The following SGCZ variants were observed in gnomAD, a reference collection of about 807,000 sequenced individuals.
The protein encoded by SGCZ is zeta-sarcoglycan.
A neutral mutation model predicts 41.3 loss-of-function variants in SGCZ; 40 were observed. That is an observed-to-expected ratio of 0.97 (90% confidence interval 0.75 to 1.26). SGCZ has a LOEUF of 1.26. SGCZ is among the 50% of genes most tolerant of loss of function. The pLI, the probability that SGCZ is intolerant of heterozygous loss-of-function variation, is 0.00. For missense variants in SGCZ, 552 were observed against 369.8 expected, an observed-to-expected ratio of 1.49 and a Z score of -4.04; for synonymous variants, 206 against 137.5, an observed-to-expected ratio of 1.50 and a Z score of -3.49.
At chr8:14,454,310 T>C (rs1800681396) in intron 2 of SGCZ, among the ~76,000 whole-genome samples, 1 of 152,156 alleles carries the variant, frequency 6.6e-6, no homozygotes, top group Non-Finnish European at 1.5e-5. Flanking sequence ...GAAGACTTCA[T>C]TACTGTAAAT....
At chr8:14,993,560 G>T (rs1057266404) in intron 1 of SGCZ, among the ~76,000 whole-genome samples, 10 of 152,132 alleles carry the variant, frequency 6.6e-5, no homozygotes, top group Admixed American at 4.6e-4. Flanking sequence ...CTGAAAGAGG[G>T]ATACATACTC....
At chr8:14,544,783 C>G (rs1227920400) in intron 2 of SGCZ, among the ~76,000 whole-genome samples, 1 of 152,150 alleles carries the variant, frequency 6.6e-6, no homozygotes, top group Non-Finnish European at 1.5e-5. Flanking sequence ...TGAACATAGA[C>G]CCTTATCTGT....
At chr8:15,184,272 A>C (rs1800266354) in intron 1 of SGCZ, among the ~76,000 whole-genome samples, 1 of 152,206 alleles carries the variant, frequency 6.6e-6, no homozygotes, top group African/African-American at 2.4e-5. Flanking sequence ...ATGCTTTTAA[A>C]ATTTTCAATT....
chr8:14,180,304 G>A (rs775141701), intron 4 of SGCZ, among the ~76,000 whole-genome samples: 2 of 152,174 alleles, frequency 1.3e-5, no homozygotes, highest in Non-Finnish European at 2.9e-5. Context: ...TAACAAAGGA[G>A]TGTCCTGATC....
intron 1 of SGCZ, among the ~76,000 whole-genome samples, chr8:14,851,368 CAAAAAAAAA>C (rs369090223): frequency 1.6e-5 from 1 of 61,908 alleles, no homozygotes; most frequent in African/African-American, 6.3e-5. Context: ...GACTCCATCT[CAAAAAAAAA>C]AAAAAAAAAA....
chr8:14,521,876 A>G (rs1405220020), intron 2 of SGCZ, among the ~76,000 whole-genome samples: 1 of 152,114 alleles, frequency 6.6e-6, no homozygotes, highest in Non-Finnish European at 1.5e-5. Context: ...ACCATCAAGC[A>G]TAATGCTAGC....
rs188030493 is a variant in SGCZ at position 14,392,545 on chromosome 8, A to C, written c.235-68341T>G. On this transcript the variant is annotated intron_variant, in intron 2 of 7. Coordinates refer to ENST00000382080, the MANE Select transcript of SGCZ (RefSeq NM_139167.4). ...AAGCAGATTGTACTATATTCATTTCAGATATAGGGGTCCATGTACATACAC... is the reference window on the plus strand; with the variant it reads ...AAGCAGATTGTACTATATTCATTTCCGATATAGGGGTCCATGTACATACAC... Among the ~76,000 whole-genome samples the C allele has an allele frequency of 1.2e-4, 18 of 152,302 alleles. No homozygotes were observed. In the East Asian group the frequency reaches 3.5e-3, roughly 29 times the overall value.
rs116140228 is a variant in SGCZ at position 14,122,654 on chromosome 8, C to G, written c.548-14419G>C. Among the ~76,000 whole-genome samples the G allele has an allele frequency of 5.6e-3, 854 of 152,260 alleles. 7 individuals carry two copies. Among genetic ancestry groups the G allele is most frequent in the African/African-American group, 0.019 (774 of 41,560 alleles). The stretch of plus-strand genomic sequence containing the variant: ...ATATCCATAAGATATGCATAAATGT[C>G]TACATTTTTAAAGAGTCATAACATC... On this transcript the variant is annotated intron_variant, in intron 5 of 7. Transcript: ENST00000382080.
At chr8:14,726,287 T>C (rs1204628682) in intron 1 of SGCZ, among the ~76,000 whole-genome samples, 6 of 137,888 alleles carry the variant, frequency 4.4e-5, no homozygotes, top group African/African-American at 1.1e-4. Context: ...ATCATACGCG[T>C]GTGTGTGTGT....
At chr8:14,549,869 A>G (rs1164695817) in intron 2 of SGCZ, among the ~76,000 whole-genome samples, 1 of 152,006 alleles carries the variant, frequency 6.6e-6, no homozygotes. Flanking sequence ...TTTGTAGCTT[A>G]GGAGGTAACA....
chr8:14,715,821 A>T (rs927481342), intron 1 of SGCZ, among the ~76,000 whole-genome samples: 2 of 152,166 alleles, frequency 1.3e-5, no homozygotes, highest in Non-Finnish European at 2.9e-5. Flanking sequence ...GAAAAATTCC[A>T]ATTTAGAGGA....
intron 6 of SGCZ, among the ~76,000 whole-genome samples, chr8:14,106,457 C>CT (rs1364408697): frequency 2.1e-5 from 3 of 144,940 alleles, no homozygotes; most frequent in Non-Finnish European, 4.5e-5. Flanking sequence ...AAGAAGGCCA[C>CT]TTTTTTTCCT....
At position 14,088,272 on chromosome 8, in the gene SGCZ, G is replaced by C. The variant is rs191497708; in HGVS notation, c.*2171C>G. On this transcript the variant is annotated 3_prime_UTR_variant, in exon 8 of 8. Transcript: ENST00000382080. ...TAAACTGAAGCCTGGAGAGATTCTC[G>C]AACTGCCTAAAACAGCTCAATTGAT... Among the ~76,000 whole-genome samples the C allele has an allele frequency of 9.2e-5, 14 of 151,652 alleles. No homozygotes were observed. The highest frequency in any genetic ancestry group is 2.1e-4 in the South Asian group (1 of 4,826).
chr8:14,414,070 G>T (rs1799431194), intron 2 of SGCZ, among the ~76,000 whole-genome samples: 1 of 151,868 alleles, frequency 6.6e-6, no homozygotes, highest in African/African-American at 2.4e-5. Flanking sequence ...ATCCACGTTA[G>T]TTTTAACATC....
At chr8:14,513,340 T>C (rs1365636568) in intron 2 of SGCZ, among the ~76,000 whole-genome samples, 2 of 152,100 alleles carry the variant, frequency 1.3e-5, no homozygotes, top group Non-Finnish European at 2.9e-5. Context: ...GCCAAACCAC[T>C]ATTACCAGTT....
At chr8:14,994,559 A>G (rs920291378) in intron 1 of SGCZ, among the ~76,000 whole-genome samples, 2 of 151,332 alleles carry the variant, frequency 1.3e-5, no homozygotes, top group African/African-American at 2.4e-5. Context: ...ACTCCAGCCT[A>G]GGCAACAAGA....
At chr8:14,409,424 T>C (rs1799300932) in intron 2 of SGCZ, among the ~76,000 whole-genome samples, 1 of 152,096 alleles carries the variant, frequency 6.6e-6, no homozygotes, top group African/African-American at 2.4e-5. Context: ...CAATATCCTC[T>C]ATTTTGGTCA....
At chr8:14,759,176 C>T (rs1033657238) in intron 1 of SGCZ, among the ~76,000 whole-genome samples, 1 of 151,966 alleles carries the variant, frequency 6.6e-6, no homozygotes, top group African/African-American at 2.4e-5. Context: ...TACGAAAACA[C>T]AATTTACATC....
intron 1 of SGCZ, among the ~76,000 whole-genome samples, chr8:14,959,140 C>T (rs559297714): frequency 1.3e-5 from 2 of 152,108 alleles, no homozygotes; most frequent in East Asian, 3.9e-4. Flanking sequence ...AGCAATACAA[C>T]CAAAATATAA....
Sources: allele counts gnomAD v4.1 joint callset (sites outside exome capture counted in the v4.1 genomes callset), GRCh38; gene constraint gnomAD v4.1.1; transcripts MANE v1.5; gene names NCBI Gene and HGNC (gene_info 2026-07-23, HGNC 2026-07-21).